Variants in STAG1 observed in about 807,000 individuals in gnomAD.
STAG1 encodes cohesin subunit SA-1.
STAG1 carries 26 observed loss-of-function variants against 170.9 expected under a neutral mutation model. That is an observed-to-expected ratio of 0.15 (90% CI 0.11 to 0.21). The LOEUF (loss-of-function observed/expected upper bound fraction) is 0.21, where lower values mean the gene tolerates loss of function less well. Among genes scored for constraint, STAG1 ranks in the 10% least tolerant of loss-of-function variants. The probability of loss-of-function intolerance (pLI) is 1.00; values close to 1 mark genes in which losing one functional copy is unlikely to be tolerated. For missense variants in STAG1, 964 were observed against 1,509.5 expected (o/e 0.64, Z 5.99); for synonymous variants, 514 against 497.7 (o/e 1.03, Z -0.44).
At chr3:136,515,791 T>C (rs1934343029) in intron 7 of STAG1, among the ~76,000 whole-genome samples, 1 of 152,222 alleles carries the variant, frequency 6.6e-6, no homozygotes, top group Non-Finnish European at 1.5e-5. Flanking sequence ...AGTTATACTT[T>C]ATTTTATGGG....
At chr3:136,620,512 CAAA>C (rs1939795004) in intron 3 of STAG1, among the ~76,000 whole-genome samples, 1 of 152,202 alleles carries the variant, frequency 6.6e-6, no homozygotes, top group African/African-American at 2.4e-5. Context: ...TGACCTTAGG[CAAA>C]TTACCACTTT....
At chr3:136,599,340 G>C (rs1023094445) in intron 4 of STAG1, among the ~76,000 whole-genome samples, 1 of 151,956 alleles carries the variant, frequency 6.6e-6, no homozygotes, top group Non-Finnish European at 1.5e-5. Flanking sequence ...GACCAGCCTA[G>C]GGTAACATGG....
intron 1 of STAG1, among the ~76,000 whole-genome samples, chr3:136,689,476 T>C (rs1319859529): frequency 2.0e-5 from 3 of 152,230 alleles, no homozygotes; most frequent in Non-Finnish European, 4.4e-5. Flanking sequence ...AATTATATAC[T>C]ATAGTTAACA....
chr3:136,352,139 C>T lies in STAG1; in HGVS notation c.3066-2776G>A, dbSNP rs752736208. Among the ~76,000 whole-genome samples, 53 of 151,858 alleles carry T rather than the reference C, an allele frequency of 3.5e-4. 1 individual carries two copies. Among genetic ancestry groups the T allele is most frequent in the Non-Finnish European group, 7.1e-4 (48 of 67,936 alleles). On this transcript the variant is annotated intron_variant, in intron 28 of 33. Coordinates refer to ENST00000383202, the MANE Select transcript of STAG1 (RefSeq NM_005862.3). ...GCTATATTATTATTTCAAAAGATAT[C>T]ATTTTTGCAATATTTGTTCTTTTTA...
chr3:136,605,193 G>C (rs776792472), intron 3 of STAG1, among the ~76,000 whole-genome samples: 12 of 152,050 alleles, frequency 7.9e-5, no homozygotes, highest in Non-Finnish European at 1.6e-4. Context: ...ACTATTTCAG[G>C]TACTGGCAAT....
At chr3:136,693,415 A>T (rs563451343) in intron 1 of STAG1, among the ~76,000 whole-genome samples, 95 of 152,342 alleles carry the variant, frequency 6.2e-4, no homozygotes, top group African/African-American at 2.2e-3. Flanking sequence ...AAAAACCCCA[A>T]TGTGTCCTCA....
At chr3:136,491,259 A>T (rs1461814286) in intron 9 of STAG1, among the ~76,000 whole-genome samples, 1 of 152,160 alleles carries the variant, frequency 6.6e-6, no homozygotes, top group Non-Finnish European at 1.5e-5. Context: ...CTGGGACTAC[A>T]GGTGCACACT....
At chr3:136,527,127 T>C (rs1471665398) in intron 6 of STAG1, among the ~76,000 whole-genome samples, 2 of 152,224 alleles carry the variant, frequency 1.3e-5, no homozygotes, top group Non-Finnish European at 2.9e-5. Flanking sequence ...TTCCTGAATT[T>C]GAATGTTGGC....
At chr3:136,414,035 C>T (rs2087704326) in intron 21 of STAG1, among the ~76,000 whole-genome samples, 1 of 152,198 alleles carries the variant, frequency 6.6e-6, no homozygotes, top group South Asian at 2.1e-4. Context: ...CTAGAAAATG[C>T]TAATGATCAC....
At chr3:136,465,093 A>C in intron 12 of STAG1, 105 bp from the exon 13 acceptor site, 1 of 680,034 alleles carries the variant, frequency 1.5e-6, no homozygotes, top group Non-Finnish European at 2.3e-6. Context: ...AGACTTAATA[A>C]TTGTTGTCTC....
At chr3:136,462,778 C>A (rs1383185757) in intron 13 of STAG1, among the ~76,000 whole-genome samples, 1 of 151,908 alleles carries the variant, frequency 6.6e-6, no homozygotes, top group Non-Finnish European at 1.5e-5. Flanking sequence ...TCACATGTAC[C>A]CTATAAATAT....
At chr3:136,464,755 C>T (rs2089403833) in intron 13 of STAG1, 126 bp downstream of exon 13, 1 of 700,426 alleles carries the variant, frequency 1.4e-6, no homozygotes, top group Non-Finnish European at 2.4e-6. Context: ...CTGTTATAGC[C>T]CCTGGAGTAT....
In STAG1 at chr3:136,491,183, T is replaced by A. The variant is rs148764104; in HGVS notation, c.902+9040A>T. Among the ~76,000 whole-genome samples the A allele has an allele frequency of 3.9e-3, 597 of 152,182 alleles. 2 individuals are homozygous for A. The highest frequency in any genetic ancestry group is 0.031 in the Middle Eastern group (9 of 294). On this transcript the variant is annotated intron_variant, in intron 9 of 33. Coordinates refer to ENST00000383202, the MANE Select transcript of STAG1 (RefSeq NM_005862.3). ...TTCAGGCTGGAGTGCAGTGGCTTGA[T>A]CATAGTTCACTGCACCCTGGAACTC...
rs1226536064 is a variant in STAG1, at chr3:136,615,455, G to A, written c.132+7691C>T. Among the ~76,000 whole-genome samples, 5 of 130,244 alleles carry A rather than the reference G, an allele frequency of 3.8e-5. No individual in the cohort carries two copies. In the South Asian group the frequency reaches 7.4e-4, roughly 19 times the overall value. The allele number at this position is 130,244 out of a possible 152,430, so 85.4% of individuals were successfully genotyped here. On this transcript the variant is annotated intron_variant, in intron 3 of 33. Transcript: ENST00000383202. Reference sequence around the variant, plus strand: ...AAAAAAAAAAAAAAAAAAAAAAGGAGTGGGGGCACTGCCTGCTTTTTGAAT... The same window carrying A: ...AAAAAAAAAAAAAAAAAAAAAAGGAATGGGGGCACTGCCTGCTTTTTGAAT...
chr3:136,582,537 G>A (rs989136479), intron 4 of STAG1, among the ~76,000 whole-genome samples: 8 of 152,188 alleles, frequency 5.3e-5, no homozygotes, highest in African/African-American at 9.7e-5. Context: ...GGTGGCTCAC[G>A]CCTGTAATCC....
At chr3:136,724,017 G>A (rs1328134075) in intron 1 of STAG1, among the ~76,000 whole-genome samples, 8 of 150,950 alleles carry the variant, frequency 5.3e-5, no homozygotes, top group Non-Finnish European at 7.4e-5. Flanking sequence ...CGCCCCGTCC[G>A]GGAGGTGAGG....
intron 6 of STAG1, among the ~76,000 whole-genome samples, chr3:136,525,056 CTTTT>C (rs963655620): frequency 6.6e-4 from 100 of 152,206 alleles, no homozygotes; most frequent in African/African-American, 2.3e-3. Context: ...CTAAAGTTCT[CTTTT>C]TTTGTTATGT....
intron 21 of STAG1, among the ~76,000 whole-genome samples, chr3:136,404,494 C>T (rs1284716162): frequency 2.0e-5 from 3 of 152,268 alleles, no homozygotes; most frequent in East Asian, 1.9e-4. Flanking sequence ...GCAATTAACA[C>T]CCTACTCCCC....
At chr3:136,348,904 T>TTA in intron 29 of STAG1, 1 of 489,530 alleles carries the variant, frequency 2.0e-6, no homozygotes, top group Non-Finnish European at 3.7e-6. Context: ...GGGATTGATT[T>TTA]TATAGACCTA....
Sources: gnomAD v4.1 joint callset for allele counts (sites outside exome capture counted in the v4.1 genomes callset) on GRCh38, gnomAD v4.1.1 for gene constraint, MANE v1.5 for transcripts, NCBI Gene and HGNC (gene_info 2026-07-23, HGNC 2026-07-21) for gene names.